The following STX11 variants were observed in gnomAD, a reference collection of about 807,000 sequenced individuals.
STX11 encodes the protein syntaxin-11.
A neutral mutation model predicts 19.9 loss-of-function variants in STX11; 21 were observed. That is an observed-to-expected ratio of 1.06 (90% CI 0.75 to 1.52). STX11 has a LOEUF of 1.52. Among genes scored for constraint, STX11 ranks in the 40% most tolerant of loss-of-function variants. The pLI, the probability that STX11 is intolerant of heterozygous loss-of-function variation, is 0.00. For missense variants in STX11, 438 were observed against 405.9 expected (o/e 1.08, Z -0.68); for synonymous variants, 193 against 174.4 (o/e 1.11, Z -0.84).
intron 1 of STX11, among the ~76,000 whole-genome samples, chr6:144,161,339 C>A (rs1263477389): frequency 1.3e-5 from 2 of 152,088 alleles, no homozygotes; most frequent in Admixed American, 6.6e-5. Context: ...CCTGTTTAGT[C>A]AGCATATTTT....
rs1227054853 is a variant in STX11, at chr6:144,159,878, A to T, written c.-6+9175A>T. On this transcript the variant is annotated intron_variant, in intron 1 of 1. Coordinates refer to ENST00000367568, the MANE Select transcript of STX11 (RefSeq NM_003764.4). This position sits in a 1 kb window ranked among gnomAD's most constrained non-coding sequence, Gnocchi z 4.3. Reference sequence around the variant, plus strand: ...AAGTCCATGCCCACTGAGGTTTCTCATCTTTCCAGGTCACTTTTGATGCCC... The same window carrying T: ...AAGTCCATGCCCACTGAGGTTTCTCTTCTTTCCAGGTCACTTTTGATGCCC... Among the ~76,000 whole-genome samples the T allele has an allele frequency of 6.6e-6, 1 of 152,150 alleles. No homozygotes were observed. Among genetic ancestry groups the T allele is most frequent in the Non-Finnish European group, 1.5e-5 (1 of 68,024 alleles).
the STX11 span, among the ~76,000 whole-genome samples, chr6:144,140,534 C>T: frequency 6.6e-6 from 1 of 152,012 alleles, no homozygotes. Flanking sequence ...GGATTACAGG[C>T]ATGAACCATC....
At chr6:144,171,702 A>G (rs893162001) in intron 1 of STX11, among the ~76,000 whole-genome samples, 1 of 132,414 alleles carries the variant, frequency 7.6e-6, no homozygotes, top group African/African-American at 3.4e-5. Context: ...TGTGTGAGAT[A>G]ATCTTTTTTT....
chr6:144,187,150 G>T lies in STX11; in HGVS notation c.523G>T (p.Asp175Tyr), dbSNP rs867882515. 8.7e-6 allele frequency: 14 copies of T among 1,613,992 alleles called. No individual in the cohort carries two copies. The highest frequency in any genetic ancestry group is 2.7e-5 in the African/African-American group (2 of 75,056). ...GATCATGGGCAAGGAAGTCTCGGGCGACCAGATCGAGGACATGTTCGAGCA... is the reference window on the plus strand; with the variant it reads ...GATCATGGGCAAGGAAGTCTCGGGCTACCAGATCGAGGACATGTTCGAGCA... ...LEIMGKEVSG[D>Y]QIEDMFEQGK... The change falls in exon 2 of 2, where the codon GAC becomes TAC. Residue 175 changes from aspartate to tyrosine, a missense_variant. Coordinates refer to ENST00000367568, the MANE Select transcript of STX11 (RefSeq NM_003764.4). This position sits in a 1 kb window ranked among gnomAD's most constrained non-coding sequence, Gnocchi z 5.6.
In STX11 at chr6:144,169,314, C is replaced by A. The variant is rs1225871968; in HGVS notation, c.-5-17309C>A. Among the ~76,000 whole-genome samples the A allele has an allele frequency of 6.6e-6, 1 of 152,230 alleles. No homozygotes were observed. Among genetic ancestry groups the A allele is most frequent in the Non-Finnish European group, 1.5e-5 (1 of 68,052 alleles). The stretch of plus-strand genomic sequence containing the variant: ...CAGCATTGCAAACTTGTTGTGGAGT[C>A]AAATTTTCATCAGCAATGACCTTGG... On this transcript the variant is annotated intron_variant, in intron 1 of 1. Transcript: ENST00000367568. The surrounding 1 kb of genome is among the most constrained non-coding windows in gnomAD (Gnocchi z 5.2).
Position 144,190,891 on chromosome 6 carries a change from C to A in STX11, c.*3400C>A, listed in dbSNP as rs1285169708. ...TCCTGGCTCTGACTGCCACACCAGG[C>A]AGTGGGTGAAATGCTGGCTTTTTCC... On this transcript the variant is annotated 3_prime_UTR_variant, in exon 2 of 2. Coordinates refer to ENST00000367568, the MANE Select transcript of STX11 (RefSeq NM_003764.4). 6.6e-6 allele frequency among the ~76,000 whole-genome samples: 1 copy of A among 152,166 alleles called. No homozygotes were observed. The highest frequency in any genetic ancestry group is 1.5e-5 in the Non-Finnish European group (1 of 68,044).
chr6:144,171,541 GT>G (rs1584038692), intron 1 of STX11, among the ~76,000 whole-genome samples: 1 of 152,088 alleles, frequency 6.6e-6, no homozygotes, highest in East Asian at 1.9e-4. Flanking sequence ...GGCTCTTCAA[GT>G]TCTCAAAACC....
chr6:144,147,017 T>C (rs1245452276), upstream of STX11, among the ~76,000 whole-genome samples: 1 of 152,180 alleles, frequency 6.6e-6, no homozygotes, highest in Non-Finnish European at 1.5e-5. The surrounding 1 kb of genome is among the most constrained non-coding windows in gnomAD (Gnocchi z 4.2). Context: ...TTACCCTAAA[T>C]TTCCATGTGT....
rs1801836143 is a variant in STX11, at chr6:144,178,854, ATTAAC to A, written c.-5-7766_-5-7762del. On this transcript the variant is annotated intron_variant, in intron 1 of 1. Coordinates refer to ENST00000367568, the MANE Select transcript of STX11 (RefSeq NM_003764.4). Reference sequence around the variant, plus strand: ...ACGATACAAGCTTTTTTTTTTTTAAATTAACTTCGGAGCAGCAAGAAAATTAGAGC... The same window carrying A: ...ACGATACAAGCTTTTTTTTTTTTAAATTCGGAGCAGCAAGAAAATTAGAGC... Among the ~76,000 whole-genome samples, 3 of 151,636 alleles carry A rather than the reference ATTAAC, an allele frequency of 2.0e-5. No individual in the cohort carries two copies. The South Asian group carries it at 6.2e-4, about 31-fold the overall frequency.
At chr6:144,140,932 A>G in the STX11 span, 3 of 361,834 alleles carry the variant, frequency 8.3e-6, no homozygotes, top group Non-Finnish European at 1.2e-5. Context: ...GTTGAAAACT[A>G]ATTATTCACA....
At chr6:144,140,214 ATATATATATATATATATAT>A in the STX11 span, among the ~76,000 whole-genome samples, 613 of 85,124 alleles carry the variant, frequency 7.2e-3, 17 homozygotes, top group East Asian at 0.049. Context: ...ATTCACATAT[ATATATATATATATATATAT>A]ATATATATAT....
rs1008473275 is a variant in STX11 at position 144,170,092 on chromosome 6, C to T, written c.-5-16531C>T. On this transcript the variant is annotated intron_variant, in intron 1 of 1. Coordinates refer to ENST00000367568, the MANE Select transcript of STX11 (RefSeq NM_003764.4). This position sits in a 1 kb window ranked among gnomAD's most constrained non-coding sequence, Gnocchi z 4.7. ...GTGGTCATTCCAACACCATATTTTTCTGTCTGGTTTCTCCAATAGCTTGAT... is the reference window on the plus strand; with the variant it reads ...GTGGTCATTCCAACACCATATTTTTTTGTCTGGTTTCTCCAATAGCTTGAT... Among the ~76,000 whole-genome samples the T allele has an allele frequency of 6.6e-6, 1 of 152,186 alleles. No individual in the cohort carries two copies. Among genetic ancestry groups the T allele is most frequent in the African/African-American group, 2.4e-5 (1 of 41,436 alleles).
chr6:144,168,196 G>T (rs1030835456), intron 1 of STX11, among the ~76,000 whole-genome samples: 3 of 152,212 alleles, frequency 2.0e-5, no homozygotes, highest in Non-Finnish European at 4.4e-5. Flanking sequence ...GGTCCTCTGA[G>T]GATGAGGAGG....
upstream of STX11, among the ~76,000 whole-genome samples, chr6:144,146,350 G>T (rs1488148452): frequency 6.6e-6 from 1 of 152,196 alleles, no homozygotes; most frequent in Non-Finnish European, 1.5e-5. The surrounding 1 kb of genome is among the most constrained non-coding windows in gnomAD (Gnocchi z 4.4). Context: ...GAGAGCCAAG[G>T]TCTCCAGAGA....
rs780131213 is a variant in STX11 at position 144,187,344 on chromosome 6, C to G, written c.717C>G (p.Ala239=). 1.2e-6 allele frequency: 2 copies of G among 1,610,434 alleles called. No individual in the cohort carries two copies. Among genetic ancestry groups the G allele is most frequent in the Non-Finnish European group, 1.7e-6 (2 of 1,179,944 alleles). ...LQMAVLVEKQ[A]DTLNVIELNV... ...TGGCGGTGCTGGTGGAGAAGCAGGC[C>G]GACACCCTGAACGTCATCGAGCTCA... is the stretch of plus-strand genomic sequence containing the variant. The change falls in exon 2 of 2, where the codon GCC becomes GCG. Residue 239 remains alanine, a synonymous_variant. Transcript: ENST00000367568. This position sits in a 1 kb window ranked among gnomAD's most constrained non-coding sequence, Gnocchi z 5.6.
chr6:144,164,939 C>T (rs1022789759), intron 1 of STX11, among the ~76,000 whole-genome samples: 3 of 151,840 alleles, frequency 2.0e-5, no homozygotes, highest in Admixed American at 6.6e-5. Context: ...TCAGGTGATC[C>T]GCCTGCCTCG....
Position 144,187,349 on chromosome 6 carries a change from C to A in STX11, c.722C>A (p.Thr241Asn). 1 of 1,610,470 alleles carries A rather than the reference C, an allele frequency of 6.2e-7. No homozygotes were observed. Among genetic ancestry groups the A allele is most frequent in the Non-Finnish European group, 8.5e-7 (1 of 1,179,970 alleles). Residue 241 changes from threonine (T) to asparagine (N), a missense_variant, in exon 2 of 2, where the codon ACC becomes AAC. Thr to Asn is a moderately conservative substitution (Grantham distance 65). Transcript: ENST00000367568. This position sits in a 1 kb window ranked among gnomAD's most constrained non-coding sequence, Gnocchi z 5.6. ...MAVLVEKQAD[T>N]LNVIELNVQK... The stretch of plus-strand genomic sequence containing the variant: ...GTGCTGGTGGAGAAGCAGGCCGACA[C>A]CCTGAACGTCATCGAGCTCAACGTA...
intron 1 of STX11, among the ~76,000 whole-genome samples, chr6:144,178,400 C>G (rs1280842440): frequency 6.6e-6 from 1 of 152,180 alleles, no homozygotes; most frequent in African/African-American, 2.4e-5. Flanking sequence ...GAAACCTACA[C>G]AGGAGTAGCT....
At chr6:144,171,685 C>CTG (rs373904746) in intron 1 of STX11, among the ~76,000 whole-genome samples, 2 of 151,210 alleles carry the variant, frequency 1.3e-5, no homozygotes, top group Non-Finnish European at 1.5e-5. Context: ...TGTGTGGAAG[C>CTG]TGTGTGTGTG....
Sources: allele counts gnomAD v4.1 joint callset (sites outside exome capture counted in the v4.1 genomes callset), GRCh38; gene constraint gnomAD v4.1.1; non-coding constraint Gnocchi (gnomAD v3.1); transcripts MANE v1.5; gene names NCBI Gene and HGNC (gene_info 2026-07-23, HGNC 2026-07-21).